The following LRFN2 variants were observed in gnomAD, a reference collection of about 807,000 sequenced individuals.
The protein encoded by LRFN2 is leucine-rich repeat and fibronectin type-III domain-containing protein 2.
A neutral mutation model predicts 37.3 loss-of-function variants in LRFN2; 18 were observed. That is an observed-to-expected ratio of 0.48 (90% CI 0.33 to 0.72). LRFN2 has a LOEUF of 0.72. Among genes scored for constraint, LRFN2 ranks in the 30% least tolerant of loss-of-function variants. The probability of loss-of-function intolerance (pLI) is 0.02; values close to 1 mark genes in which losing one functional copy is unlikely to be tolerated. For synonymous variants in LRFN2, 556 were observed against 466.6 expected (o/e 1.19, Z -2.47); for missense variants, 1,006 against 1,060.7 (o/e 0.95, Z 0.72).
chr6:40,578,109 A>C (rs1767329190), intron 1 of LRFN2, among the ~76,000 whole-genome samples: 1 of 152,146 alleles, frequency 6.6e-6, no homozygotes, highest in African/African-American at 2.4e-5. Flanking sequence ...GGCATTCATG[A>C]CAGTTTCAAA....
At chr6:40,553,475 A>AGT (rs1766814708) in intron 1 of LRFN2, among the ~76,000 whole-genome samples, 1 of 152,162 alleles carries the variant, frequency 6.6e-6, no homozygotes, top group African/African-American at 2.4e-5. Flanking sequence ...AGCTGAGCAA[A>AGT]CACCAAGTTC....
chr6:40,565,275 G>A (rs11758006), intron 1 of LRFN2, among the ~76,000 whole-genome samples: 5,167 of 152,206 alleles, frequency 0.034, 140 homozygotes, highest in South Asian at 0.11. Context: ...CTCATGGGTA[G>A]GAAGAATCAA....
At chr6:40,399,511 C>T (rs1458909567) in intron 2 of LRFN2, among the ~76,000 whole-genome samples, 1 of 144,102 alleles carries the variant, frequency 6.9e-6, no homozygotes, top group African/African-American at 2.5e-5. Flanking sequence ...TCTCTCGGCT[C>T]ACTGCAACCT....
At chr6:40,489,143 C>T (rs1197639339) in intron 1 of LRFN2, among the ~76,000 whole-genome samples, 1 of 152,130 alleles carries the variant, frequency 6.6e-6, no homozygotes. Context: ...AGCAGGCACA[C>T]CCCACCCTGC....
intron 1 of LRFN2, among the ~76,000 whole-genome samples, chr6:40,561,975 C>T (rs571080923): frequency 1.3e-5 from 2 of 152,244 alleles, no homozygotes; most frequent in South Asian, 4.1e-4. Context: ...GCCCCACGGC[C>T]CCAGTGTCTG....
chr6:40,561,757 T>C (rs1296635700), intron 1 of LRFN2, among the ~76,000 whole-genome samples: 6 of 152,126 alleles, frequency 3.9e-5, no homozygotes, highest in African/African-American at 1.4e-4. Flanking sequence ...CACCTATCCC[T>C]GGTGGGAGAG....
intron 1 of LRFN2, among the ~76,000 whole-genome samples, chr6:40,490,406 A>C (rs991018365): frequency 2.6e-5 from 4 of 152,284 alleles, no homozygotes; most frequent in African/African-American, 4.8e-5. Flanking sequence ...AAGGGCTGCC[A>C]TTCTGAAGCT....
At position 40,392,247 on chromosome 6, in the gene LRFN2, C is replaced by T. The variant is rs777994054; in HGVS notation, c.2066G>A (p.Arg689Gln). The T allele has an allele frequency of 1.5e-5, 24 of 1,577,314 alleles. No homozygotes were observed. The highest frequency in any genetic ancestry group is 9.1e-5 in the East Asian group (4 of 43,950). The change falls in exon 3 of 3, where the codon CGG becomes CAG. Residue 689 changes from arginine to glutamine, a missense_variant. Arg to Gln is a conservative substitution (Grantham distance 43). This residue lies in a region of LRFN2 where 398 missense variants were observed against 327.6 expected (regional missense o/e 1.21). Transcript: ENST00000338305. The surrounding 1 kb of genome is among the most constrained non-coding windows in gnomAD (Gnocchi z 4.7). Reference sequence around the variant, plus strand: ...TGGCTCTCGGTCCGAGTGGTGGCCCCGGGCCGACGTCCCAGCCCCTCTCCC... The same window carrying T: ...TGGCTCTCGGTCCGAGTGGTGGCCCTGGGCCGACGTCCCAGCCCCTCTCCC... ...PAGRGAGTSA[R>Q]GHHSDREPLL...
At chr6:40,544,173 G>A (rs1403041822) in intron 1 of LRFN2, among the ~76,000 whole-genome samples, 1 of 152,224 alleles carries the variant, frequency 6.6e-6, no homozygotes, top group Non-Finnish European at 1.5e-5. Flanking sequence ...TGTGCTGCGA[G>A]CGCACCAGGC....
Position 40,497,991 on chromosome 6 carries a change from T to C in LRFN2, c.-18-64860A>G, listed in dbSNP as rs73432643. Among the ~76,000 whole-genome samples, 1,105 of 152,238 alleles carry C rather than the reference T, an allele frequency of 7.3e-3. 18 individuals carry two copies. The highest frequency in any genetic ancestry group is 0.024 in the African/African-American group (1,017 of 41,546). The stretch of plus-strand genomic sequence containing the variant: ...CCTTGAAGAAGGAGAGAATCACTTC[T>C]GGGGTGTCTGCCTACTGGGGTGCTG... On this transcript the variant is annotated intron_variant, in intron 1 of 2. Transcript: ENST00000338305.
At chr6:40,574,995 C>T (rs577780732) in intron 1 of LRFN2, among the ~76,000 whole-genome samples, 1 of 152,172 alleles carries the variant, frequency 6.6e-6, no homozygotes. Context: ...TGGGCCATGG[C>T]AAGTAGCATA....
chr6:40,399,543 T>C (rs1265776711), intron 2 of LRFN2, among the ~76,000 whole-genome samples: 1 of 149,160 alleles, frequency 6.7e-6, no homozygotes, highest in Non-Finnish European at 1.5e-5. Context: ...GCTCAAGCGA[T>C]TCTTGTGCTT....
chr6:40,485,196 G>A (rs1342365691), intron 1 of LRFN2, among the ~76,000 whole-genome samples: 1 of 152,222 alleles, frequency 6.6e-6, no homozygotes, highest in Admixed American at 6.5e-5. Context: ...CCCAGACATA[G>A]AAGGATGGAC....
chr6:40,431,342 C>G (rs1295653820), intron 2 of LRFN2, among the ~76,000 whole-genome samples: 1 of 152,182 alleles, frequency 6.6e-6, no homozygotes, highest in African/African-American at 2.4e-5. Context: ...ATGCATGCCT[C>G]TTTTGGGGAG....
At chr6:40,504,404 C>G (rs941051297) in intron 1 of LRFN2, among the ~76,000 whole-genome samples, 1 of 152,202 alleles carries the variant, frequency 6.6e-6, no homozygotes, top group Non-Finnish European at 1.5e-5. Flanking sequence ...CTGGCACACA[C>G]CATGTGCCCA....
At position 40,486,623 on chromosome 6, in the gene LRFN2, T is replaced by G. The variant is rs188049175; in HGVS notation, c.-18-53492A>C. Among the ~76,000 whole-genome samples the G allele has an allele frequency of 1.0e-3, 154 of 152,274 alleles. 2 individuals are homozygous for G. Among genetic ancestry groups the G allele is most frequent in the Admixed American group, 4.2e-3 (65 of 15,298 alleles). On this transcript the variant is annotated intron_variant, in intron 1 of 2. Coordinates refer to ENST00000338305, the MANE Select transcript of LRFN2 (RefSeq NM_020737.3). ...CAACAGAAGTGTCCCATGGTTAGGA[T>G]GAGGCCGCCTCATTTGAAATGTTAA...
intron 1 of LRFN2, among the ~76,000 whole-genome samples, chr6:40,550,776 C>T (rs1315006090): frequency 1.3e-5 from 2 of 152,044 alleles, no homozygotes; most frequent in East Asian, 1.9e-4. Flanking sequence ...AGTGCCTAGG[C>T]CATAAAGAGT....
chr6:40,471,407 T>C (rs1322684101), intron 1 of LRFN2, among the ~76,000 whole-genome samples: 1 of 152,192 alleles, frequency 6.6e-6, no homozygotes, highest in Non-Finnish European at 1.5e-5. Context: ...CATATTGTCA[T>C]GCCATGGGGA....
At chr6:40,521,359 C>T (rs895625305) in intron 1 of LRFN2, among the ~76,000 whole-genome samples, 1 of 152,170 alleles carries the variant, frequency 6.6e-6, no homozygotes. Context: ...CACCTGTAAG[C>T]TGAGGCTGGG....
Sources: gnomAD v4.1 joint callset for allele counts (sites outside exome capture counted in the v4.1 genomes callset) on GRCh38, gnomAD v4.1.1 for gene constraint, gnomAD v4.1.1 regional missense constraint, Gnocchi (gnomAD v3.1) non-coding constraint, MANE v1.5 for transcripts, NCBI Gene and HGNC (gene_info 2026-07-23, HGNC 2026-07-21) for gene names.